The following TCF3 variants were observed in gnomAD, a reference collection of about 807,000 sequenced individuals.
TCF3 encodes the protein transcription factor E2-alpha.
Under a neutral mutation model 72.3 loss-of-function variants are expected in TCF3, and 54 were observed. The observed-to-expected ratio is 0.75, with a 90% CI of 0.60 to 0.94. TCF3 has a LOEUF of 0.94. TCF3 is among the 40% of genes least tolerant of loss of function. The pLI is 0.00. For missense variants in TCF3, 1,078 were observed against 934.4 expected (o/e 1.15, Z -2.00); for synonymous variants, 525 against 412.6 (o/e 1.27, Z -3.30).
rs996255815 is a variant in TCF3, at chr19:1,621,198, G to A, written c.956-7C>T. On this transcript the variant is annotated splice_region_variant and splice_polypyrimidine_tract_variant and intron_variant, in intron 11 of 18. Transcript: ENST00000262965. ...GCTGTGGTCCCTCGGGAGCCTGTGG[G>A]TGAAGAGAGGTGAGGCCCACGCAGC... 9 of 1,534,758 alleles carry A rather than the reference G, an allele frequency of 5.9e-6. No individual in the cohort carries two copies. Among genetic ancestry groups the A allele is most frequent in the Non-Finnish European group, 7.0e-6 (8 of 1,145,954 alleles).
Position 1,622,229 on chromosome 19 carries a change from G to C in TCF3, c.653-6C>G, listed in dbSNP as rs1334891920. 2 of 1,539,750 alleles carry C rather than the reference G, an allele frequency of 1.3e-6. No individual in the cohort carries two copies. The highest frequency in any genetic ancestry group is 2.4e-5 in the East Asian group (1 of 42,070). On this transcript the variant is annotated splice_region_variant and splice_polypyrimidine_tract_variant and intron_variant, in intron 9 of 18. Coordinates refer to ENST00000262965, the MANE Select transcript of TCF3 (RefSeq NM_003200.5). ...TGAGGGGTGCAGGCTGCCATCTGTG[G>C]AGGGGAGCTGGTAAGGTGGGGGCCG... is the stretch of plus-strand genomic sequence containing the variant.
At chr19:1,648,084 G>A (rs866120378) in intron 2 of TCF3, among the ~76,000 whole-genome samples, 2 of 152,162 alleles carry the variant, frequency 1.3e-5, no homozygotes, top group Non-Finnish European at 2.9e-5. Flanking sequence ...CTTCGTTCCC[G>A]ACCAAAGCTA....
At chr19:1,645,663 C>T (rs1348256640) in intron 3 of TCF3, among the ~76,000 whole-genome samples, 1 of 152,208 alleles carries the variant, frequency 6.6e-6, no homozygotes, top group Non-Finnish European at 1.5e-5. Flanking sequence ...GCTGGGTGTG[C>T]CGTGAAGCCC....
intron 7 of TCF3, among the ~76,000 whole-genome samples, chr19:1,624,697 G>A (rs944065480): frequency 3.9e-5 from 6 of 152,308 alleles, no homozygotes; most frequent in Non-Finnish European, 7.4e-5. Flanking sequence ...GATCACTCAC[G>A]GACGTGCGCA....
At chr19:1,642,674 C>T (rs375804370) in intron 3 of TCF3, among the ~76,000 whole-genome samples, 2 of 152,284 alleles carry the variant, frequency 1.3e-5, no homozygotes, top group East Asian at 3.9e-4. Context: ...GCTGTCACCA[C>T]GTTGGCCAGG....
chr19:1,612,302 C>G, intron 18 of TCF3: 1 of 1,613,810 alleles, frequency 6.2e-7, no homozygotes, highest in Non-Finnish European at 8.5e-7. Flanking sequence ...GTGCATCTGG[C>G]ACATGCGCCC....
intron 3 of TCF3, among the ~76,000 whole-genome samples, chr19:1,645,020 T>C (rs2065875298): frequency 6.6e-6 from 1 of 152,042 alleles, no homozygotes; most frequent in Non-Finnish European, 1.5e-5. Context: ...AGGGAGCATA[T>C]TCCGGCCAGC....
In TCF3 at chr19:1,646,869, G is replaced by A. The variant is rs1011320845; in HGVS notation, c.73-442C>T. On this transcript the variant is annotated intron_variant, in intron 2 of 18. Transcript: ENST00000262965. ...ACAGGTGGACATGTGGAGAGTCCCC[G>A]GATGCCTGAGCCCTGGCTGACTCCT... is the stretch of plus-strand genomic sequence containing the variant. Among the ~76,000 whole-genome samples, 30 of 152,332 alleles carry A rather than the reference G, an allele frequency of 2.0e-4. No individual in the cohort carries two copies. The South Asian group carries it at 2.5e-3, about 13-fold the overall frequency.
At chr19:1,622,257 TG>T in intron 9 of TCF3, 34 bp from the exon 10 acceptor site, 2 of 1,512,218 alleles carry the variant, frequency 1.3e-6, no homozygotes, top group Non-Finnish European at 8.9e-7. Context: ...GGGGGCCGAG[TG>T]GGGAACCCCA....
chr19:1,619,061 T>C (rs1425093016), intron 16 of TCF3, 50 bp downstream of exon 16: 2 of 1,597,924 alleles, frequency 1.3e-6, no homozygotes, highest in East Asian at 4.5e-5. Flanking sequence ...AGTGCCTCAG[T>C]TTCCCCAACT....
intron 2 of TCF3, among the ~76,000 whole-genome samples, chr19:1,649,203 G>A (rs1057166897): frequency 4.6e-5 from 7 of 152,196 alleles, no homozygotes; most frequent in East Asian, 3.8e-4. Context: ...CTGTCTGCTC[G>A]GTGGCCCATG....
At chr19:1,647,917 T>C (rs2145689127) in intron 2 of TCF3, among the ~76,000 whole-genome samples, 1 of 152,228 alleles carries the variant, frequency 6.6e-6, no homozygotes, top group East Asian at 1.9e-4. Context: ...CAAAAGCCCA[T>C]GGGAGTCTCG....
chr19:1,634,222 A>C (rs538508181), intron 3 of TCF3, among the ~76,000 whole-genome samples: 1 of 152,148 alleles, frequency 6.6e-6, no homozygotes, highest in Non-Finnish European at 1.5e-5. Context: ...AATCCCCCCC[A>C]CCGATTAATG....
intron 7 of TCF3, among the ~76,000 whole-genome samples, chr19:1,624,735 C>T (rs1009878247): frequency 4.6e-5 from 7 of 152,228 alleles, no homozygotes; most frequent in Non-Finnish European, 8.8e-5. Flanking sequence ...GTGGCCCAGG[C>T]GCATGTGCCC....
In TCF3 at chr19:1,613,452, A is replaced by C. The variant is rs1368596207; in HGVS notation, c.1823-1603T>G. 1.3e-5 allele frequency among the ~76,000 whole-genome samples: 2 copies of C among 152,120 alleles called. 1 individual carries two copies. Among genetic ancestry groups the C allele is most frequent in the Non-Finnish European group, 2.9e-5 (2 of 67,978 alleles). On this transcript the variant is annotated intron_variant, in intron 18 of 18. Coordinates refer to ENST00000262965, the MANE Select transcript of TCF3 (RefSeq NM_003200.5). ...TGACCCTGCTCACTCTGTGGGCCCC[A>C]GGGCAGGGCTGGGGGCAGGGGAGGC...
chr19:1,631,820 C>A (rs990146658), intron 5 of TCF3: 1 of 1,258,650 alleles, frequency 7.9e-7, no homozygotes, highest in South Asian at 1.4e-5. Flanking sequence ...TACGCTCAGG[C>A]GGGGAAGCCT....
At position 1,621,854 on chromosome 19, in the gene TCF3, C is replaced by A; in HGVS notation, c.939G>T (p.Gly313=). 1 of 1,591,790 alleles carries A rather than the reference C, an allele frequency of 6.3e-7. No individual in the cohort carries two copies. The highest frequency in any genetic ancestry group is 1.1e-5 in the South Asian group (1 of 87,668). Residue 313 remains glycine (G), a synonymous_variant, in exon 11 of 19, where the codon GGG becomes GGT. Transcript: ENST00000262965. The part of the protein sequence containing the change: ...GVSSHTPPVS[G]ADSLLGSRGT... ...GGGCCATACCCAGGAGGCTGTCGGCCCCGCTGACAGGCGGCGTGTGGCTGG... is the reference window on the plus strand; with the variant it reads ...GGGCCATACCCAGGAGGCTGTCGGCACCGCTGACAGGCGGCGTGTGGCTGG...
At chr19:1,635,423 C>T (rs1174453282) in intron 3 of TCF3, among the ~76,000 whole-genome samples, 1 of 152,122 alleles carries the variant, frequency 6.6e-6, no homozygotes, top group Non-Finnish European at 1.5e-5. Context: ...CATGGCTCCC[C>T]ACCGTCCTCA....
At position 1,650,220 on chromosome 19, in the gene TCF3, A is replaced by C. The variant is rs2066801284; in HGVS notation, c.29T>G (p.Val10Gly). The C allele has an allele frequency of 6.4e-7, 1 of 1,572,594 alleles. No individual in the cohort carries two copies. The highest frequency in any genetic ancestry group is 8.6e-7 in the Non-Finnish European group (1 of 1,160,314). The change falls in exon 2 of 19, where the codon GTG becomes GGG. Residue 10 changes from valine to glycine, a missense_variant. Transcript: ENST00000262965. ...GTCACTGAGCTCCTTGTCTGTGCCC[A>C]CAGGCGCCATCCTCTGCGGCTGGTT... MNQPQRMAP[V>G]GTDKELSDLL...
Sources: gnomAD v4.1 joint callset for allele counts (sites outside exome capture counted in the v4.1 genomes callset) on GRCh38, gnomAD v4.1.1 for gene constraint, MANE v1.5 for transcripts, NCBI Gene and HGNC (gene_info 2026-07-23, HGNC 2026-07-21) for gene names.